Variants in LPCAT2 observed in about 807,000 individuals in gnomAD.
The protein encoded by LPCAT2 is lysophosphatidylcholine acyltransferase 2, also known as 1-AGP acyltransferase 11.
LPCAT2 carries 58 observed loss-of-function variants against 64.7 expected under a neutral mutation model. The observed-to-expected ratio is 0.90, with a 90% CI of 0.73 to 1.12. LPCAT2 has a LOEUF of 1.12. Among genes scored for constraint, LPCAT2 ranks in the 50% most tolerant of loss-of-function variants. LPCAT2 has a pLI of 0.00. For synonymous variants in LPCAT2, 252 were observed against 245.3 expected (o/e 1.03, Z -0.26); for missense variants, 579 against 669.8 (o/e 0.86, Z 1.50).
chr16:55,548,810 G>C (rs78474902), intron 9 of LPCAT2, among the ~76,000 whole-genome samples: 5,275 of 152,164 alleles, frequency 0.035, 149 homozygotes, highest in Middle Eastern at 0.048. Flanking sequence ...CACTGTGTTC[G>C]GCTCCATTTA....
intron 11 of LPCAT2, among the ~76,000 whole-genome samples, chr16:55,561,927 G>A (rs1963641003): frequency 6.6e-6 from 1 of 151,978 alleles, no homozygotes; most frequent in African/African-American, 2.4e-5. Context: ...ACAGGACATT[G>A]CTCTCATGTC....
intron 11 of LPCAT2, among the ~76,000 whole-genome samples, chr16:55,559,443 T>C (rs1337750502): frequency 6.6e-6 from 1 of 152,202 alleles, no homozygotes; most frequent in African/African-American, 2.4e-5. Context: ...CTGTCTGCCC[T>C]GTTCTTGTTC....
rs1963920355 is a variant in LPCAT2 at position 55,584,238 on chromosome 16, T to A, written c.*1140T>A. ...TTGTTCTATTTATATAATATTAGAA[T>A]TAATATATTATCATGTAAGTGGGAA... On this transcript the variant is annotated 3_prime_UTR_variant, in exon 14 of 14. Coordinates refer to ENST00000262134, the MANE Select transcript of LPCAT2 (RefSeq NM_017839.5). 6.6e-6 allele frequency: 1 copy of A among 152,146 alleles called. No homozygotes were observed. Among genetic ancestry groups the A allele is most frequent in the Non-Finnish European group, 1.5e-5 (1 of 68,000 alleles). 9.4% of individuals were successfully genotyped at this position (152,146 alleles called of 1,614,324 possible). A position where few individuals can be genotyped will look rare whatever the true frequency, so the allele number is the denominator to read the frequency against.
intron 11 of LPCAT2, chr16:55,567,397 T>C (rs1963716037): frequency 6.2e-7 from 1 of 1,613,670 alleles, no homozygotes. Flanking sequence ...AGCTGCTTGG[T>C]CCGCCTGGAT....
chr16:55,532,643 A>T, intron 5 of LPCAT2, 181 bp from the exon 6 acceptor site: 1 of 265,534 alleles, frequency 3.8e-6, no homozygotes, highest in Non-Finnish European at 7.0e-6. Context: ...GTAGTTCTTA[A>T]TTAAAAAAAA....
At chr16:55,532,660 C>A in intron 5 of LPCAT2, 164 bp from the exon 6 acceptor site, 1 of 386,724 alleles carries the variant, frequency 2.6e-6, no homozygotes, top group East Asian at 4.2e-5. Context: ...AAAAAAAATC[C>A]CTCATTTTGG....
intron 11 of LPCAT2, among the ~76,000 whole-genome samples, chr16:55,553,772 C>T (rs545208250): frequency 1.3e-5 from 2 of 152,336 alleles, no homozygotes; most frequent in South Asian, 4.1e-4. Flanking sequence ...CTAGCTATGG[C>T]AGCTATGGCC....
chr16:55,519,636 G>T (rs539391002), intron 1 of LPCAT2, among the ~76,000 whole-genome samples: 67 of 152,132 alleles, frequency 4.4e-4, no homozygotes, highest in South Asian at 3.1e-3. Context: ...AATATGGAAA[G>T]AATGATATAA....
At chr16:55,566,706 T>C in intron 11 of LPCAT2, 1 of 1,544,788 alleles carries the variant, frequency 6.5e-7, no homozygotes, top group Non-Finnish European at 8.7e-7. Context: ...TTTCATCTTT[T>C]TTCATACCAT....
chr16:55,548,233 T>G (rs1963476335), intron 9 of LPCAT2, among the ~76,000 whole-genome samples: 1 of 152,182 alleles, frequency 6.6e-6, no homozygotes, highest in Non-Finnish European at 1.5e-5. Flanking sequence ...CTGCACCTTT[T>G]TTTTTGGTAT....
intron 13 of LPCAT2, among the ~76,000 whole-genome samples, chr16:55,582,009 T>C (rs1429656212): frequency 6.6e-6 from 1 of 152,212 alleles, no homozygotes; most frequent in Non-Finnish European, 1.5e-5. Context: ...TTTTTAAGAC[T>C]GTATTTTTCT....
In LPCAT2 at chr16:55,528,228, C is replaced by T. The variant is rs922914375; in HGVS notation, c.312-149C>T. On this transcript the variant is annotated intron_variant, in intron 2 of 13. Transcript: ENST00000262134. ...GCCTAGCACCTGGCAGAAACAGCTC[C>T]ATGTAAGTGTTAGCTGTTATTCTCC... 1.1e-5 allele frequency: 7 copies of T among 624,042 alleles called. No individual in the cohort carries two copies. The African/African-American group carries it at 1.3e-4, about 12-fold the overall frequency. The allele number at this position is 624,042 out of a possible 1,614,324, so 38.7% of individuals were successfully genotyped here.
intron 11 of LPCAT2, among the ~76,000 whole-genome samples, chr16:55,557,291 TTCTCTC>T (rs368376341): frequency 6.7e-6 from 1 of 150,190 alleles, no homozygotes; most frequent in African/African-American, 2.4e-5. Context: ...CTCTGTCTTC[TTCTCTC>T]TCTCTCTCTT....
intron 2 of LPCAT2, among the ~76,000 whole-genome samples, chr16:55,526,750 T>C (rs1222156694): frequency 1.3e-5 from 2 of 152,194 alleles, no homozygotes; most frequent in African/African-American, 4.8e-5. Flanking sequence ...CGGTGGCTTA[T>C]GAAAACCTAG....
Position 55,509,111 on chromosome 16 carries a change from G to C in LPCAT2, c.-71G>C. 8.1e-7 allele frequency: 1 copy of C among 1,240,610 alleles called. No individual in the cohort carries two copies. 76.9% of individuals were successfully genotyped at this position (1,240,610 alleles called of 1,614,324 possible). On this transcript the variant is annotated 5_prime_UTR_variant, in exon 1 of 14. Coordinates refer to ENST00000262134, the MANE Select transcript of LPCAT2 (RefSeq NM_017839.5). ...GTCGCCCTAGGCTGGGACTCTAGTA[G>C]GTCTTCGGCTCAGTTTTGGCTGCAG... is the stretch of plus-strand genomic sequence containing the variant.
At position 55,584,524 on chromosome 16, in the gene LPCAT2, A is replaced by G. The variant is rs1392361243; in HGVS notation, c.*1426A>G. On this transcript the variant is annotated 3_prime_UTR_variant, in exon 14 of 14. Coordinates refer to ENST00000262134, the MANE Select transcript of LPCAT2 (RefSeq NM_017839.5). ...ATATCATTCATGTTTGAGGTTTTCA[A>G]CAAAGAACCAATTTATTAATATAAT... 3.9e-5 allele frequency: 6 copies of G among 152,294 alleles called. No homozygotes were observed. In the East Asian group the frequency reaches 1.2e-3, roughly 29 times the overall value. 9.4% of individuals were successfully genotyped at this position (152,294 alleles called of 1,614,324 possible).
intron 11 of LPCAT2, chr16:55,566,738 T>G (rs773195282): frequency 6.3e-7 from 1 of 1,589,142 alleles, no homozygotes; most frequent in Admixed American, 1.8e-5. Context: ...CTGCCGCATT[T>G]GCTTGTTAAA....
chr16:55,562,717 T>C (rs151172269), intron 11 of LPCAT2, among the ~76,000 whole-genome samples: 1 of 152,004 alleles, frequency 6.6e-6, no homozygotes, highest in East Asian at 1.9e-4. Context: ...TAAATCAGAT[T>C]GAATCATTTG....
intron 8 of LPCAT2, chr16:55,541,115 C>T (rs1394746791): frequency 1.3e-5 from 2 of 151,994 alleles, no homozygotes; most frequent in African/African-American, 4.8e-5. Flanking sequence ...GTGTTTGGAC[C>T]ATGGTTGACT....
Sources: gnomAD v4.1 joint callset for allele counts (sites outside exome capture counted in the v4.1 genomes callset) on GRCh38, gnomAD v4.1.1 for gene constraint, MANE v1.5 for transcripts, NCBI Gene and HGNC (gene_info 2026-07-23, HGNC 2026-07-21) for gene names.